DGCR2: variants seen among roughly 807,000 people sequenced by gnomAD.
DGCR2 encodes the protein DiGeorge syndrome critical region gene 2.
Under a neutral mutation model 51.6 loss-of-function variants are expected in DGCR2, and 24 were observed. That is an observed-to-expected ratio of 0.47 (90% confidence interval 0.34 to 0.65). DGCR2 has a LOEUF of 0.65. Ranked by LOEUF, DGCR2 falls within the 30% of genes least tolerant of loss-of-function variation. The pLI is 0.01. For synonymous variants in DGCR2, 340 were observed against 315.4 expected (o/e 1.08, Z -0.82); for missense variants, 765 against 772.1 (o/e 0.99, Z 0.11).
At chr22:19,074,747 T>G (rs776086289) in intron 2 of DGCR2, among the ~76,000 whole-genome samples, 1 of 152,090 alleles carries the variant, frequency 6.6e-6, no homozygotes, top group South Asian at 2.1e-4. Context: ...AAGATAAAAC[T>G]AAAAATTTGA....
rs137980691 is a variant in DGCR2 at position 19,069,441 on chromosome 22, A to G, written c.203-1216T>C. Among the ~76,000 whole-genome samples the G allele has an allele frequency of 2.3e-4, 35 of 152,372 alleles. No individual in the cohort carries two copies. The East Asian group carries it at 6.4e-3, about 28-fold the overall frequency. On this transcript the variant is annotated intron_variant, in intron 2 of 9. Coordinates refer to ENST00000263196, the MANE Select transcript of DGCR2 (RefSeq NM_005137.3). ...TCAATGTGAAATGCTTGAAAAATAC[A>G]AAAGTTTGAAAAGACAATAAACAAC...
At position 19,041,186 on chromosome 22, in the gene DGCR2, G is replaced by A. The variant is rs754894791; in HGVS notation, c.1268C>T (p.Thr423Ile). 5 of 1,613,824 alleles carry A rather than the reference G, an allele frequency of 3.1e-6. No homozygotes were observed. Among genetic ancestry groups the A allele is most frequent in the Non-Finnish European group, 4.2e-6 (5 of 1,179,970 alleles). ...LHLSDDGEGGTFHFHDPPPPY... is the reference protein window; with the variant it reads ...LHLSDDGEGGIFHFHDPPPPY... Reference sequence around the variant, plus strand: ...AGGTGGAGGGTCGTGGAAATGGAAAGTCCCACCCTCTCCGTCGTCAGAAAG... The same window carrying A: ...AGGTGGAGGGTCGTGGAAATGGAAAATCCCACCCTCTCCGTCGTCAGAAAG... Residue 423 changes from threonine (T) to isoleucine (I), a missense_variant, in exon 9 of 10, where the codon ACT (threonine) becomes ATT (isoleucine). Physicochemically the swap from Thr to Ile is moderately conservative, Grantham distance 89. Coordinates refer to ENST00000263196, the MANE Select transcript of DGCR2 (RefSeq NM_005137.3).
chr22:19,069,457 A>T (rs1466061123), intron 2 of DGCR2, among the ~76,000 whole-genome samples: 2 of 152,254 alleles, frequency 1.3e-5, no homozygotes, highest in Non-Finnish European at 2.9e-5. Flanking sequence ...TTGAAAAGAC[A>T]ATAAACAACA....
At chr22:19,082,642 C>T (rs1288379039) in intron 2 of DGCR2, among the ~76,000 whole-genome samples, 2 of 151,876 alleles carry the variant, frequency 1.3e-5, no homozygotes, top group East Asian at 1.9e-4. Context: ...CCCAGCTACT[C>T]GGGAGGCTGA....
intron 1 of DGCR2, among the ~76,000 whole-genome samples, chr22:19,116,473 T>C (rs1178279821): frequency 6.6e-6 from 1 of 152,044 alleles, no homozygotes; most frequent in Non-Finnish European, 1.5e-5. Flanking sequence ...ATAATAACCA[T>C]ACCCAAGCCC....
At chr22:19,072,679 C>G (rs2082828160) in intron 2 of DGCR2, among the ~76,000 whole-genome samples, 1 of 152,034 alleles carries the variant, frequency 6.6e-6, no homozygotes. Context: ...TCAAGACCAT[C>G]CTGGCCAACA....
intron 8 of DGCR2, chr22:19,041,584 C>G: frequency 3.2e-6 from 2 of 616,898 alleles, no homozygotes; most frequent in Non-Finnish European, 5.6e-6. Flanking sequence ...GGGCCTCTGA[C>G]CCTCAGAGGC....
chr22:19,065,172 G>T, intron 3 of DGCR2, 105 bp from the exon 4 acceptor site: 1 of 978,222 alleles, frequency 1.0e-6, no homozygotes, highest in Non-Finnish European at 1.5e-6. Flanking sequence ...TCACCCTAGA[G>T]AAGTGGGGAA....
chr22:19,108,981 C>T (rs975002739), intron 1 of DGCR2, among the ~76,000 whole-genome samples: 6 of 151,882 alleles, frequency 4.0e-5, no homozygotes, highest in Admixed American at 6.6e-5. Flanking sequence ...CAGGGAGTTA[C>T]GATTACACCA....
chr22:19,062,547 G>C (rs1035340515), intron 5 of DGCR2, among the ~76,000 whole-genome samples: 5 of 152,156 alleles, frequency 3.3e-5, no homozygotes, highest in Admixed American at 6.5e-5. Flanking sequence ...CAGCCCAACA[G>C]ACAGGGAAGG....
chr22:19,087,955 G>GT (rs1293375825), intron 2 of DGCR2, among the ~76,000 whole-genome samples: 4 of 152,218 alleles, frequency 2.6e-5, no homozygotes, highest in African/African-American at 9.6e-5. Flanking sequence ...AAAGTGTTGG[G>GT]TTACAGGTGT....
intron 1 of DGCR2, among the ~76,000 whole-genome samples, chr22:19,111,881 G>A (rs1440180118): frequency 6.2e-5 from 9 of 146,038 alleles, no homozygotes; most frequent in African/African-American, 2.4e-4. Flanking sequence ...TCTCCAGGAA[G>A]AAACTGAAAC....
rs768093787 is a variant in DGCR2 at position 19,065,087 on chromosome 22, T to C, written c.329-20A>G. ...GGAAACATAAAGGACAGAAGGGGAG[T>C]TGTCCCCCAAGTTAGGATCCAGCTC... On this transcript the variant is annotated intron_variant, in intron 3 of 9. Coordinates refer to ENST00000263196, the MANE Select transcript of DGCR2 (RefSeq NM_005137.3). 6.8e-6 allele frequency: 11 copies of C among 1,608,448 alleles called. No homozygotes were observed. Among genetic ancestry groups the C allele is most frequent in the South Asian group, 2.2e-5 (2 of 90,740 alleles).
At chr22:19,117,685 G>A (rs186908134) in intron 1 of DGCR2, among the ~76,000 whole-genome samples, 10 of 152,184 alleles carry the variant, frequency 6.6e-5, no homozygotes, top group African/African-American at 2.4e-5. Context: ...GGAAGCCTCA[G>A]CAAAGGATAT....
intron 2 of DGCR2, among the ~76,000 whole-genome samples, chr22:19,076,705 C>G (rs1174861452): frequency 7.0e-6 from 1 of 142,198 alleles, no homozygotes; most frequent in Non-Finnish European, 1.5e-5. Flanking sequence ...GGAGAAATGT[C>G]TACTCAAGTC....
intron 5 of DGCR2, among the ~76,000 whole-genome samples, chr22:19,058,021 GA>G (rs1251038916): frequency 6.6e-6 from 1 of 152,170 alleles, no homozygotes; most frequent in Non-Finnish European, 1.5e-5. Flanking sequence ...GCAGAATAAT[GA>G]AGGCACACCT....
intron 4 of DGCR2, among the ~76,000 whole-genome samples, chr22:19,063,557 GC>G (rs2082712577): frequency 6.7e-6 from 1 of 150,256 alleles, no homozygotes; most frequent in African/African-American, 2.5e-5. Flanking sequence ...CACCATATTG[GC>G]CAGGATGGTC....
chr22:19,051,080 T>TC (rs1276160731), intron 6 of DGCR2, among the ~76,000 whole-genome samples: 14 of 150,466 alleles, frequency 9.3e-5, no homozygotes, highest in Non-Finnish European at 4.4e-5. Flanking sequence ...TCCCAGCTAC[T>TC]TGGGAAGGTG....
At chr22:19,062,779 ACTCTCTCTCTCT>A (rs11471797) in intron 5 of DGCR2, among the ~76,000 whole-genome samples, 3 of 127,354 alleles carry the variant, frequency 2.4e-5, no homozygotes, top group Non-Finnish European at 3.6e-5. Flanking sequence ...ATGCATGCTC[ACTCTCTCTCTCT>A]CTCTCTCTCT....
Sources: gnomAD v4.1 joint callset for allele counts (sites outside exome capture counted in the v4.1 genomes callset) on GRCh38, gnomAD v4.1.1 for gene constraint, MANE v1.5 for transcripts, NCBI Gene and HGNC (gene_info 2026-07-23, HGNC 2026-07-21) for gene names.